The following HCN1 variants were observed in gnomAD, a reference collection of about 807,000 sequenced individuals.
HCN1 encodes hyperpolarization activated cyclic nucleotide gated potassium channel 1.
A neutral mutation model predicts 78.9 loss-of-function variants in HCN1; 13 were observed. The observed-to-expected ratio is 0.16, with a 90% CI of 0.11 to 0.26. HCN1 has a LOEUF of 0.26. Among genes scored for constraint, HCN1 ranks in the 10% least tolerant of loss-of-function variants. The pLI is 1.00. For synonymous variants in HCN1, 552 were observed against 455.5 expected, an observed-to-expected ratio of 1.21 and a Z score of -2.70; for missense variants, 810 against 1,154.3, an observed-to-expected ratio of 0.70 and a Z score of 4.32.
At chr5:45,418,336 C>T (rs769828943) in intron 3 of HCN1, among the ~76,000 whole-genome samples, 10 of 151,000 alleles carry the variant, frequency 6.6e-5, no homozygotes, top group Non-Finnish European at 1.5e-4. Context: ...CTACATTATA[C>T]ATGCTTCTAT....
At chr5:45,316,488 CT>C (rs1245084805) in intron 5 of HCN1, among the ~76,000 whole-genome samples, 6 of 152,124 alleles carry the variant, frequency 3.9e-5, no homozygotes, top group Non-Finnish European at 8.8e-5. Flanking sequence ...GAAGCATTCC[CT>C]TTGAAAACTG....
At chr5:45,537,912 C>T (rs1307688776) in intron 2 of HCN1, among the ~76,000 whole-genome samples, 1 of 151,860 alleles carries the variant, frequency 6.6e-6, no homozygotes, top group Non-Finnish European at 1.5e-5. Context: ...GTAGTAGACT[C>T]CAAGGTCAAT....
intron 1 of HCN1, among the ~76,000 whole-genome samples, chr5:45,647,684 T>C (rs985470117): frequency 2.6e-5 from 4 of 152,084 alleles, no homozygotes; most frequent in Non-Finnish European, 5.9e-5. Context: ...CTCACACTCA[T>C]CTCAAACAGC....
chr5:45,319,492 T>C (rs1363114903), intron 5 of HCN1, among the ~76,000 whole-genome samples: 1 of 151,896 alleles, frequency 6.6e-6, no homozygotes, highest in Non-Finnish European at 1.5e-5. Context: ...CCTAAGCTTT[T>C]TGATCAGATG....
intron 2 of HCN1, among the ~76,000 whole-genome samples, chr5:45,475,750 G>A (rs1741500286): frequency 6.6e-6 from 1 of 152,076 alleles, no homozygotes; most frequent in African/African-American, 2.4e-5. Flanking sequence ...TAGCATGAGA[G>A]TTAAGAGAAG....
intron 4 of HCN1, among the ~76,000 whole-genome samples, chr5:45,373,315 A>G (rs1318383920): frequency 6.6e-5 from 8 of 121,732 alleles, no homozygotes; most frequent in Non-Finnish European, 9.5e-5. Flanking sequence ...TACTATATAT[A>G]AAATATATAT....
intron 2 of HCN1, among the ~76,000 whole-genome samples, chr5:45,636,848 A>C (rs1254805782): frequency 6.6e-6 from 1 of 152,216 alleles, no homozygotes; most frequent in African/African-American, 2.4e-5. Context: ...TCTCTAAAAA[A>C]AGAGTAATGC....
chr5:45,439,721 A>G (rs1740633837), intron 3 of HCN1, among the ~76,000 whole-genome samples: 1 of 152,026 alleles, frequency 6.6e-6, no homozygotes, highest in Admixed American at 6.6e-5. Context: ...AACCAACAGG[A>G]TATTATTTTT....
At chr5:45,462,071 T>A (rs1211172553) in intron 2 of HCN1, 64 bp from the exon 3 acceptor site, 1 of 1,242,014 alleles carries the variant, frequency 8.1e-7, no homozygotes, top group Non-Finnish European at 1.2e-6. Flanking sequence ...AGCATACTAC[T>A]GATAGTAGGC....
At chr5:45,646,501 G>C (rs939978488) in intron 1 of HCN1, among the ~76,000 whole-genome samples, 1 of 150,780 alleles carries the variant, frequency 6.6e-6, no homozygotes. Context: ...AGCCTCCCGA[G>C]TAGCTGGCAT....
chr5:45,275,625 T>C (rs892668196), intron 6 of HCN1, among the ~76,000 whole-genome samples: 7 of 152,146 alleles, frequency 4.6e-5, no homozygotes, highest in Admixed American at 2.0e-4. Flanking sequence ...TAAACTTATA[T>C]AGAATATATA....
intron 4 of HCN1, among the ~76,000 whole-genome samples, chr5:45,372,676 A>G (rs1001357240): frequency 7.0e-5 from 10 of 142,088 alleles, no homozygotes; most frequent in African/African-American, 2.0e-4. Context: ...ATAAAAATAT[A>G]AAATATTTAT....
chr5:45,262,559 G>A lies in HCN1; in HGVS notation c.2035C>T (p.His679Tyr). ...GTCTGTGTGCTGGGACTGGGGGAGTGCAGGTTGCTGTGAGACAGGCTGGTC... is the reference window on the plus strand; with the variant it reads ...GTCTGTGTGCTGGGACTGGGGGAGTACAGGTTGCTGTGAGACAGGCTGGTC... ...TATSLSHSNL[H>Y]SPSPSTQTPQ... The change falls in exon 8 of 8, where the codon CAC (histidine) becomes TAC (tyrosine). Residue 679 changes from histidine (H) to tyrosine (Y), a missense_variant. By Grantham distance (83) the His-to-Tyr change is moderately conservative (BLOSUM62 2). This residue lies in a region of HCN1 where 398 missense variants were observed against 381.3 expected (regional missense o/e 1.04). Transcript: ENST00000303230. 1 of 1,613,986 alleles carries A rather than the reference G, an allele frequency of 6.2e-7. No homozygotes were observed.
intron 2 of HCN1, among the ~76,000 whole-genome samples, chr5:45,479,798 T>C (rs768259200): frequency 6.6e-6 from 1 of 152,202 alleles, no homozygotes. Context: ...TACACGTATA[T>C]CATGTCCAAA....
chr5:45,409,403 A>T (rs1326537664), intron 3 of HCN1, among the ~76,000 whole-genome samples: 5 of 152,098 alleles, frequency 3.3e-5, no homozygotes, highest in Non-Finnish European at 7.4e-5. Flanking sequence ...AGACAAACTT[A>T]AACTATAGAG....
chr5:45,521,178 G>A (rs1742606627), intron 2 of HCN1, among the ~76,000 whole-genome samples: 1 of 151,782 alleles, frequency 6.6e-6, no homozygotes, highest in Non-Finnish European at 1.5e-5. Context: ...CACCCTAAAG[G>A]AGAGTGAAAC....
At position 45,262,139 on chromosome 5, in the gene HCN1, C is replaced by A. The variant is rs1197215604; in HGVS notation, c.2455G>T (p.Val819Leu). 1.9e-6 allele frequency: 3 copies of A among 1,613,278 alleles called. No individual in the cohort carries two copies. The highest frequency in any genetic ancestry group is 1.3e-5 in the African/African-American group (1 of 74,910). The change falls in exon 8 of 8, where the codon GTG (valine) becomes TTG (leucine). Residue 819 changes from valine to leucine, a missense_variant. Transcript: ENST00000303230. ...GESLASIPQP[V>L]TAVPGTGLQA... ...AGGCCCGTTCCGGGGACCGCCGTCA[C>A]GGGTTGAGGGATGGAGGCCAGGGAC...
intron 5 of HCN1, among the ~76,000 whole-genome samples, chr5:45,312,847 G>A (rs995745955): frequency 6.6e-6 from 1 of 152,184 alleles, no homozygotes; most frequent in African/African-American, 2.4e-5. Flanking sequence ...TGAGGCTTGA[G>A]TAGGTAAACA....
chr5:45,423,947 T>C (rs1169935814), intron 3 of HCN1, among the ~76,000 whole-genome samples: 1 of 151,916 alleles, frequency 6.6e-6, no homozygotes, highest in Non-Finnish European at 1.5e-5. Context: ...CTTAAAGTGC[T>C]CCATAAAAAT....
Sources: gnomAD v4.1 joint callset for allele counts (sites outside exome capture counted in the v4.1 genomes callset) on GRCh38, gnomAD v4.1.1 for gene constraint, gnomAD v4.1.1 regional missense constraint, MANE v1.5 for transcripts, NCBI Gene and HGNC (gene_info 2026-07-23, HGNC 2026-07-21) for gene names.